The following MPC1 variants were observed in gnomAD, a reference collection of about 807,000 sequenced individuals.
MPC1 encodes the protein mitochondrial pyruvate carrier 1.
MPC1 carries 6 observed loss-of-function variants against 13.9 expected under a neutral mutation model. That is an observed-to-expected ratio of 0.43 (90% CI 0.24 to 0.85). MPC1 has a LOEUF of 0.85. Among genes scored for constraint, MPC1 ranks in the 40% least tolerant of loss-of-function variants. The pLI is 0.24. For missense variants in MPC1, 115 were observed against 143.3 expected, an observed-to-expected ratio of 0.80 and a Z score of 1.01; for synonymous variants, 47 against 50.5, an observed-to-expected ratio of 0.93 and a Z score of 0.29.
At chr6:166,366,934 A>G (rs1779180182) in intron 2 of MPC1, 43 bp from the exon 3 acceptor site, 1 of 1,613,004 alleles carries the variant, frequency 6.2e-7, no homozygotes, top group Non-Finnish European at 8.5e-7. Flanking sequence ...GGAAAAAGTT[A>G]AGACAGAACT....
At position 166,365,341 on chromosome 6, in the gene MPC1, C is replaced by T; in HGVS notation, c.*88G>A. On this transcript the variant is annotated 3_prime_UTR_variant, in exon 5 of 5. Coordinates refer to ENST00000360961, the MANE Select transcript of MPC1 (RefSeq NM_016098.4). The surrounding 1 kb of genome is among the most constrained non-coding windows in gnomAD (Gnocchi z 4.2). ...TAAAAATAGCATTCAGTGTATTTTC[C>T]TTAGGGAGGCTATTTATAATGAAAT... 1 of 1,168,832 alleles carries T rather than the reference C, an allele frequency of 8.6e-7. No individual in the cohort carries two copies. The allele number at this position is 1,168,832 out of a possible 1,614,324, so 72.4% of individuals were successfully genotyped here.
At chr6:166,374,367 T>C (rs1779496446) in intron 1 of MPC1, among the ~76,000 whole-genome samples, 2 of 152,202 alleles carry the variant, frequency 1.3e-5, no homozygotes, top group Admixed American at 1.3e-4. Context: ...GCAAATATTT[T>C]CTCATATATT....
At chr6:166,378,135 T>C (rs977868771) in intron 1 of MPC1, among the ~76,000 whole-genome samples, 1 of 152,218 alleles carries the variant, frequency 6.6e-6, no homozygotes, top group African/African-American at 2.4e-5. Context: ...AGCACTGGAA[T>C]TTCTAAGGCC....
chr6:166,370,300 T>A (rs1262787136), intron 1 of MPC1, 79 bp from the exon 2 acceptor site: 1 of 687,718 alleles, frequency 1.5e-6, no homozygotes, highest in Non-Finnish European at 2.7e-6. Flanking sequence ...GATTTTGGTC[T>A]TATTAGGTTA....
At chr6:166,368,495 A>G (rs1412488215) in intron 2 of MPC1, among the ~76,000 whole-genome samples, 1 of 146,172 alleles carries the variant, frequency 6.8e-6, no homozygotes, top group Non-Finnish European at 1.5e-5. Context: ...TGAAGGTTGC[A>G]GTGAGCCAAG....
chr6:166,370,076 T>G (rs373551076), intron 2 of MPC1, 142 bp downstream of exon 2: 13 of 739,384 alleles, frequency 1.8e-5, no homozygotes, highest in Middle Eastern at 2.4e-4. Flanking sequence ...CAGGCCAGGG[T>G]GCAGTAGGCA....
chr6:166,381,463 C>G (rs539648255), intron 1 of MPC1, among the ~76,000 whole-genome samples: 3 of 152,212 alleles, frequency 2.0e-5, no homozygotes, highest in African/African-American at 7.2e-5. Flanking sequence ...GTGGTTATAA[C>G]AGGATTTATT....
At position 166,382,862 on chromosome 6, in the gene MPC1, C is replaced by G; in HGVS notation, c.15G>C (p.Leu5Phe). Residue 5 changes from leucine (L) to phenylalanine (F), a missense_variant, in exon 1 of 5, where the codon TTG becomes TTC. Leu to Phe is a conservative substitution (Grantham distance 22). This residue lies in a region of MPC1 where 41 missense variants were observed against 34.2 expected (regional missense o/e 1.20). Transcript: ENST00000360961. ...GGACATAGTCCGCCGCTTTCCGCAC[C>G]AACGCGCCCGCCATGGCTGTGCCGA... MAGA[L>F]VRKAADYVRS... 6.3e-7 allele frequency: 1 copy of G among 1,595,616 alleles called. No individual in the cohort carries two copies. The highest frequency in any genetic ancestry group is 8.5e-7 in the Non-Finnish European group (1 of 1,173,042).
chr6:166,375,933 C>T (rs974356770), intron 1 of MPC1, among the ~76,000 whole-genome samples: 7 of 152,068 alleles, frequency 4.6e-5, no homozygotes, highest in African/African-American at 1.4e-4. Context: ...AAATTATGTC[C>T]GTACTGATTT....
chr6:166,368,947 G>A (rs1056402064), intron 2 of MPC1: 4 of 985,314 alleles, frequency 4.1e-6, no homozygotes, highest in Non-Finnish European at 4.8e-6. Flanking sequence ...TATAAACAGA[G>A]CCTGAAGAGT....
At chr6:166,370,455 A>C in intron 1 of MPC1, 1 of 508,144 alleles carries the variant, frequency 2.0e-6, no homozygotes, top group East Asian at 3.3e-5. Context: ...GTTTTATGGA[A>C]AATAAGTGCA....
chr6:166,375,450 C>CTTTTTTTTTTT (rs34879281), intron 1 of MPC1, among the ~76,000 whole-genome samples: 1 of 127,236 alleles, frequency 7.9e-6, no homozygotes. Context: ...TTCTAATTTG[C>CTTTTTTTTTTT]TTTTTTTTTT....
At chr6:166,375,452 T>C (rs777041133) in intron 1 of MPC1, among the ~76,000 whole-genome samples, 1 of 16,778 alleles carries the variant, frequency 6.0e-5, no homozygotes, top group Non-Finnish European at 2.0e-4. Flanking sequence ...CTAATTTGCT[T>C]TTTTTTTTTT....
chr6:166,378,880 C>T (rs1329730952), intron 1 of MPC1, among the ~76,000 whole-genome samples: 3 of 152,334 alleles, frequency 2.0e-5, no homozygotes, highest in South Asian at 4.1e-4. Context: ...CATTAAACAG[C>T]TACGAAAGCA....
chr6:166,372,324 CTTAAATCA>C (rs1779410109), intron 1 of MPC1, among the ~76,000 whole-genome samples: 1 of 152,148 alleles, frequency 6.6e-6, no homozygotes, highest in Non-Finnish European at 1.5e-5. Context: ...GGACTCTCTC[CTTAAATCA>C]TACAACAGCT....
Position 166,370,252 on chromosome 6 carries a change from C to T in MPC1, c.72-31G>A, listed in dbSNP as rs766136760. On this transcript the variant is annotated intron_variant, in intron 1 of 4. Coordinates refer to ENST00000360961, the MANE Select transcript of MPC1 (RefSeq NM_016098.4). ...TTGTGAAGAGTCACCGAAGTTCAGA[C>T]AGGACAGACATGGAAAAAAAAGAAA... is the stretch of plus-strand genomic sequence containing the variant. The T allele has an allele frequency of 5.0e-5, 37 of 740,640 alleles. 1 individual carries two copies. Among genetic ancestry groups the T allele is most frequent in the South Asian group, 4.3e-4 (30 of 69,608 alleles). The allele number at this position is 740,640 out of a possible 1,614,324, so 45.9% of individuals were successfully genotyped here.
intron 2 of MPC1, among the ~76,000 whole-genome samples, chr6:166,368,329 G>T (rs573776490): frequency 1.0e-3 from 156 of 152,218 alleles, no homozygotes; most frequent in African/African-American, 3.7e-3. Context: ...AGGCTGAGGC[G>T]GGTGGATCAC....
chr6:166,367,393 A>T (rs1779202226), intron 2 of MPC1, among the ~76,000 whole-genome samples: 1 of 152,230 alleles, frequency 6.6e-6, no homozygotes, highest in Non-Finnish European at 1.5e-5. Flanking sequence ...GAAGCTTAAT[A>T]AGAGAATAAA....
At chr6:166,367,091 G>C in intron 2 of MPC1, 200 bp from the exon 3 acceptor site, 1 of 1,428,898 alleles carries the variant, frequency 7.0e-7, no homozygotes, top group South Asian at 1.3e-5. Flanking sequence ...GGAATCAGCA[G>C]TTCTTACAGC....
Sources: allele counts gnomAD v4.1 joint callset (sites outside exome capture counted in the v4.1 genomes callset), GRCh38; gene constraint gnomAD v4.1.1; regional missense constraint gnomAD v4.1.1; non-coding constraint Gnocchi (gnomAD v3.1); transcripts MANE v1.5; gene names NCBI Gene and HGNC (gene_info 2026-07-23, HGNC 2026-07-21).